PIEZO1: variants seen among roughly 807,000 people sequenced by gnomAD.
PIEZO1 encodes piezo type mechanosensitive ion channel component 1 (Er blood group).
In PIEZO1, 296 loss-of-function variants were observed where a neutral mutation model predicts 297.2. The observed-to-expected ratio is 1.00, with a 90% confidence interval of 0.91 to 1.10. The LOEUF (loss-of-function observed/expected upper bound fraction) is 1.10. Among genes scored for constraint, PIEZO1 ranks in the 50% least tolerant of loss-of-function variants. The pLI, the probability that PIEZO1 is intolerant of heterozygous loss-of-function variation, is 0.00. For synonymous variants in PIEZO1, 2,427 were observed against 1,507.5 expected (o/e 1.61, Z -14.13); for missense variants, 5,018 against 3,455.5 (o/e 1.45, Z -11.34).
At position 88,728,454 on chromosome 16, in the gene PIEZO1, G is replaced by A. The variant is rs1904611534; in HGVS notation, c.3197-793C>T. ...CTCACAGCCCCATCTGCCACAGAGG[G>A]AACCTCGCGACCCAAAAGCAAAGTG... On this transcript the variant is annotated intron_variant, in intron 22 of 50. Transcript: ENST00000301015. 3.3e-5 allele frequency among the ~76,000 whole-genome samples: 5 copies of A among 150,140 alleles called. No individual in the cohort carries two copies. In the South Asian group the frequency reaches 1.0e-3, roughly 32 times the overall value.
At chr16:88,742,496 A>G (rs1905750637) in intron 2 of PIEZO1, 74 bp from the exon 3 acceptor site, 2 of 1,468,840 alleles carry the variant, frequency 1.4e-6, no homozygotes, top group African/African-American at 1.4e-5. Context: ...TCAGCCGGAC[A>G]ATAGCCCCCA....
chr16:88,722,345 G>T lies in PIEZO1; in HGVS notation c.4828C>A (p.Pro1610Thr). 1 of 1,537,516 alleles carries T rather than the reference G, an allele frequency of 6.5e-7. No homozygotes were observed. The highest frequency in any genetic ancestry group is 8.8e-7 in the Non-Finnish European group (1 of 1,140,954). Residue 1610 changes from proline (P) to threonine (T), a missense_variant, in exon 36 of 51, where the codon CCC becomes ACC. Coordinates refer to ENST00000301015, the MANE Select transcript of PIEZO1 (RefSeq NM_001142864.4). ...CGCGTGTGGTAGCCGGTGCTCAGGG[G>T]GCTGCCCATGTCGTCTGTCATGCTG... ...LSSMTDDMGS[P>T]LSTGYHTRSG...
chr16:88,733,890 T>G lies in PIEZO1; in HGVS notation c.2329+16A>C. On this transcript the variant is annotated intron_variant, in intron 17 of 50. Coordinates refer to ENST00000301015, the MANE Select transcript of PIEZO1 (RefSeq NM_001142864.4). Reference sequence around the variant, plus strand: ...AGCAGACTGGGTGGCAGCTGTGCTCTGCCCGCCCAACCCACCTTCAGGCAC... The same window carrying G: ...AGCAGACTGGGTGGCAGCTGTGCTCGGCCCGCCCAACCCACCTTCAGGCAC... 1.4e-6 allele frequency: 2 copies of G among 1,481,092 alleles called. No individual in the cohort carries two copies. The highest frequency in any genetic ancestry group is 1.8e-6 in the Non-Finnish European group (2 of 1,109,198). The allele number at this position is 1,481,092 out of a possible 1,614,324, so 91.7% of individuals were successfully genotyped here.
intron 42 of PIEZO1, 27 bp from the exon 43 acceptor site, chr16:88,719,987 C>A (rs1043674348): frequency 5.2e-6 from 8 of 1,549,714 alleles, no homozygotes; most frequent in Non-Finnish European, 7.0e-6. Flanking sequence ...AGGTCAAGGA[C>A]CCCATCAGAA....
At chr16:88,770,701 G>A (rs758996131) in intron 1 of PIEZO1, among the ~76,000 whole-genome samples, 24 of 152,204 alleles carry the variant, frequency 1.6e-4, no homozygotes, top group Non-Finnish European at 2.8e-4. Context: ...CAGCCAGGCC[G>A]GCTGGCAGCC....
intron 1 of PIEZO1, among the ~76,000 whole-genome samples, chr16:88,782,577 G>A (rs553732332): frequency 3.2e-4 from 48 of 152,302 alleles, no homozygotes; most frequent in African/African-American, 1.1e-3. Context: ...GGGGGCCAGG[G>A]GCACCCCAGG....
intron 30 of PIEZO1, among the ~76,000 whole-genome samples, chr16:88,724,474 T>C (rs1009359070): frequency 2.0e-5 from 3 of 147,558 alleles, no homozygotes; most frequent in African/African-American, 7.6e-5. Context: ...GGGGTTGTAG[T>C]GAGCCGCAAT....
At chr16:88,734,125 C>T (rs1044627190) in intron 16 of PIEZO1, 71 bp from the exon 17 acceptor site, 22 of 1,455,004 alleles carry the variant, frequency 1.5e-5, no homozygotes, top group Non-Finnish European at 2.0e-5. Context: ...CTGGAAGAAG[C>T]CCTGTCGGCA....
rs147833210 is a variant in PIEZO1 at position 88,761,593 on chromosome 16, T to C, written c.65-12114A>G. 3.6e-3 allele frequency among the ~76,000 whole-genome samples: 554 copies of C among 152,222 alleles called. 5 individuals are homozygous for C. The highest frequency in any genetic ancestry group is 0.012 in the African/African-American group (511 of 41,522). On this transcript the variant is annotated intron_variant, in intron 1 of 50. Transcript: ENST00000301015. ...CTCCCCGATGCTGCTCAGCATCCCA[T>C]CCCCATCTTCATGGTACTTGGGGTC...
In PIEZO1 at chr16:88,764,430, T is replaced by C. The variant is rs534170105; in HGVS notation, c.65-14951A>G. Among the ~76,000 whole-genome samples the C allele has an allele frequency of 3.3e-5, 5 of 152,256 alleles. No homozygotes were observed. In the South Asian group the frequency reaches 1.0e-3, roughly 32 times the overall value. ...AAGTGTCCTCTGGGAAACATGAACG[T>C]GCTCTCCAGGCAGAGATCACGCGTC... On this transcript the variant is annotated intron_variant, in intron 1 of 50. Coordinates refer to ENST00000301015, the MANE Select transcript of PIEZO1 (RefSeq NM_001142864.4).
At chr16:88,754,079 G>A (rs868330713) in intron 1 of PIEZO1, among the ~76,000 whole-genome samples, 2 of 152,172 alleles carry the variant, frequency 1.3e-5, no homozygotes, top group African/African-American at 4.8e-5. Context: ...GAGAGCTGTG[G>A]TTCCCAACCC....
intron 44 of PIEZO1, chr16:88,718,340 G>C (rs574009891): frequency 1.3e-5 from 2 of 152,896 alleles, no homozygotes; most frequent in African/African-American, 2.4e-5. Flanking sequence ...CCTCATGATG[G>C]AAACCACCAC....
At chr16:88,744,638 A>C in intron 2 of PIEZO1, among the ~76,000 whole-genome samples, 1 of 148,042 alleles carries the variant, frequency 6.8e-6, no homozygotes, top group Non-Finnish European at 1.5e-5. Context: ...CTGCTTCCCC[A>C]TTGTCTTCCT....
At chr16:88,749,286 G>A (rs1016334906) in intron 2 of PIEZO1, 98 bp downstream of exon 2, 34 of 709,722 alleles carry the variant, frequency 4.8e-5, no homozygotes, top group South Asian at 8.8e-5. Context: ...CTTCCACCCC[G>A]GGCTGTTAAA....
At chr16:88,739,405 G>C (rs960660552) in intron 5 of PIEZO1, 2 of 152,340 alleles carry the variant, frequency 1.3e-5, no homozygotes, top group Non-Finnish European at 2.9e-5. Context: ...GTGGTGGAAA[G>C]AACACGGCTG....
Position 88,738,209 on chromosome 16 carries a change from T to C in PIEZO1, c.848+18A>G, listed in dbSNP as rs963339263. The C allele has an allele frequency of 1.1e-5, 17 of 1,534,776 alleles. No homozygotes were observed. In the East Asian group the frequency reaches 4.2e-4, roughly 38 times the overall value. ...GACCAGGGTGGCAGGAAAAAGGGGCTGTGTGGCAAGCCGTTACCTAGCCCA... is the reference window on the plus strand; with the variant it reads ...GACCAGGGTGGCAGGAAAAAGGGGCCGTGTGGCAAGCCGTTACCTAGCCCA... On this transcript the variant is annotated intron_variant, in intron 7 of 50. Transcript: ENST00000301015.
chr16:88,748,853 A>T (rs977020746), intron 2 of PIEZO1, among the ~76,000 whole-genome samples: 10 of 148,448 alleles, frequency 6.7e-5, no homozygotes, highest in African/African-American at 2.2e-4. Context: ...GGATTACTTG[A>T]ACCTGGGATG....
chr16:88,731,955 G>GGGA (rs1555555056), intron 21 of PIEZO1, 45 bp from the exon 22 acceptor site: 83 of 299,210 alleles, frequency 2.8e-4, no homozygotes, highest in African/African-American at 4.2e-4. Context: ...CTGAGTCTGG[G>GGGA]GGGAGGGACT....
At chr16:88,737,516 C>CA (rs1567675358) in intron 10 of PIEZO1, 43 bp downstream of exon 10, 19 of 1,288,908 alleles carry the variant, frequency 1.5e-5, no homozygotes, top group South Asian at 1.1e-4. Context: ...GCCTCCGCCC[C>CA]GCCCCCCGCA....
Sources: gnomAD v4.1 joint callset for allele counts (sites outside exome capture counted in the v4.1 genomes callset) on GRCh38, gnomAD v4.1.1 for gene constraint, MANE v1.5 for transcripts, NCBI Gene and HGNC (gene_info 2026-07-23, HGNC 2026-07-21) for gene names.